Variants in SMARCAD1 observed in about 807,000 individuals in gnomAD.
SMARCAD1 encodes the protein SWI/SNF-related matrix-associated actin-dependent regulator of chromatin subfamily A containing DEAD/H box 1.
SMARCAD1 carries 25 observed loss-of-function variants against 127.1 expected under a neutral mutation model. The observed-to-expected ratio is 0.20, with a 90% CI of 0.14 to 0.27. The LOEUF (loss-of-function observed/expected upper bound fraction) is 0.27, where lower values mean the gene tolerates loss of function less well. Ranked by LOEUF, SMARCAD1 falls within the 10% of genes least tolerant of loss-of-function variation. The pLI is 1.00. For synonymous variants in SMARCAD1, 400 were observed against 396.9 expected, an observed-to-expected ratio of 1.01 and a Z score of -0.09; for missense variants, 807 against 1,206.0, an observed-to-expected ratio of 0.67 and a Z score of 4.90.
chr4:94,263,717 GA>G (rs1172129733), intron 9 of SMARCAD1, among the ~76,000 whole-genome samples: 1 of 151,862 alleles, frequency 6.6e-6, no homozygotes, highest in Admixed American at 6.6e-5. Context: ...TCATAACTTG[GA>G]AAAATATGCT....
chr4:94,216,638 C>T (rs190536006), intron 2 of SMARCAD1, among the ~76,000 whole-genome samples: 2 of 152,264 alleles, frequency 1.3e-5, no homozygotes, highest in Admixed American at 6.5e-5. Context: ...CCCCAGCCCC[C>T]GGCAACTACC....
chr4:94,240,836 T>C, intron 5 of SMARCAD1, 70 bp from the exon 6 acceptor site: 1 of 1,196,802 alleles, frequency 8.4e-7, no homozygotes, highest in South Asian at 1.3e-5. Context: ...CATTTTTGCC[T>C]TTGTTTTACA....
intron 14 of SMARCAD1, among the ~76,000 whole-genome samples, chr4:94,275,796 C>CTTTTTTTTTTTTTTTTTTTTTTTTT (rs535710589): frequency 2.3e-5 from 2 of 85,410 alleles, no homozygotes; most frequent in African/African-American, 7.5e-5. Context: ...TTAACATTTT[C>CTTTTTTTTTTTTTTTTTTTTTTTTT]TTTTTTTTTT....
intron 6 of SMARCAD1, among the ~76,000 whole-genome samples, chr4:94,241,630 T>C (rs1747585614): frequency 6.6e-6 from 1 of 152,184 alleles, no homozygotes; most frequent in South Asian, 2.1e-4. Flanking sequence ...TTAGAGCAGG[T>C]TATCTGTTAC....
chr4:94,250,949 A>G, intron 8 of SMARCAD1, 116 bp downstream of exon 8: 4 of 708,616 alleles, frequency 5.6e-6, no homozygotes, highest in Non-Finnish European at 2.4e-6. Context: ...TGGGATTGCA[A>G]AAGATGTTGA....
chr4:94,269,923 A>G (rs1363057104), intron 10 of SMARCAD1, among the ~76,000 whole-genome samples: 1 of 151,946 alleles, frequency 6.6e-6, no homozygotes, highest in Non-Finnish European at 1.5e-5. Flanking sequence ...TCTGCCCAGC[A>G]CAGCCTTGCA....
chr4:94,288,731 GATCT>G (rs1755315471), intron 23 of SMARCAD1, among the ~76,000 whole-genome samples: 1 of 152,104 alleles, frequency 6.6e-6, no homozygotes, highest in Admixed American at 6.5e-5. Context: ...CATAGTTACA[GATCT>G]ATCACAGATC....
At chr4:94,213,113 T>C (rs1358378787) in intron 2 of SMARCAD1, 1 of 1,287,156 alleles carries the variant, frequency 7.8e-7, no homozygotes, top group East Asian at 5.6e-5. Flanking sequence ...AGAATAAAAA[T>C]GAGTGAAGCC....
chr4:94,229,320 G>T (rs1745471131), intron 3 of SMARCAD1, among the ~76,000 whole-genome samples: 1 of 152,134 alleles, frequency 6.6e-6, no homozygotes, highest in Admixed American at 6.5e-5. Context: ...CTTAACACTT[G>T]TATTTGGTAG....
intron 11 of SMARCAD1, among the ~76,000 whole-genome samples, chr4:94,271,121 A>G (rs911504138): frequency 6.6e-6 from 1 of 152,194 alleles, no homozygotes; most frequent in Admixed American, 6.5e-5. Context: ...TTAAACAAGA[A>G]CTAGTTTGGT....
At position 94,290,191 on chromosome 4, in the gene SMARCAD1, G is replaced by A. The variant is rs1378825760; in HGVS notation, c.*657G>A. The A allele has an allele frequency of 2.2e-6, 1 of 454,472 alleles. No individual in the cohort carries two copies. Among genetic ancestry groups the A allele is most frequent in the African/African-American group, 2.0e-5 (1 of 50,110 alleles). 28.2% of individuals were successfully genotyped at this position (454,472 alleles called of 1,614,324 possible). ...TGTTTTCCAGTGAATAGTAACTAAA[G>A]AAGCCCCTACCTTGCTCCATGGATT... On this transcript the variant is annotated 3_prime_UTR_variant, in exon 24 of 24. Coordinates refer to ENST00000354268, the MANE Select transcript of SMARCAD1 (RefSeq NM_020159.5).
intron 6 of SMARCAD1, among the ~76,000 whole-genome samples, chr4:94,247,118 A>ACTG (rs1553917042): frequency 2.6e-5 from 4 of 151,686 alleles, no homozygotes; most frequent in South Asian, 2.1e-4. Context: ...GTAATTGCTT[A>ACTG]TTGTTTTGAT....
chr4:94,247,690 C>T (rs963501401), intron 6 of SMARCAD1, among the ~76,000 whole-genome samples: 2 of 152,112 alleles, frequency 1.3e-5, no homozygotes, highest in Admixed American at 6.5e-5. Context: ...CCCATTCCCT[C>T]CTCCCCCTAA....
At chr4:94,252,490 A>G (rs1749426822) in intron 8 of SMARCAD1, 126 bp from the exon 9 acceptor site, 1 of 595,252 alleles carries the variant, frequency 1.7e-6, no homozygotes, top group Non-Finnish European at 2.7e-6. Context: ...CAAATTTAAC[A>G]ATAAATTGTC....
In SMARCAD1 at chr4:94,273,577, T is replaced by C. The variant is rs373660660; in HGVS notation, c.1573-40T>C. 2.8e-6 allele frequency: 4 copies of C among 1,405,692 alleles called. No individual in the cohort carries two copies. The African/African-American group carries it at 4.3e-5, about 15-fold the overall frequency. The allele number at this position is 1,405,692 out of a possible 1,614,324, so 87.1% of individuals were successfully genotyped here. ...GTATTTTTATGTATTTATTTTTTGT[T>C]TGTTTTAAAATGTTATATATTGTCT... On this transcript the variant is annotated intron_variant, in intron 11 of 23. Coordinates refer to ENST00000354268, the MANE Select transcript of SMARCAD1 (RefSeq NM_020159.5).
intron 9 of SMARCAD1, among the ~76,000 whole-genome samples, chr4:94,262,235 T>A (rs952167677): frequency 1.2e-4 from 19 of 152,182 alleles, no homozygotes; most frequent in South Asian, 2.1e-4. Context: ...TGCCCCAAAT[T>A]TAATATATCC....
At chr4:94,224,632 A>G (rs896478599) in intron 2 of SMARCAD1, among the ~76,000 whole-genome samples, 1 of 152,184 alleles carries the variant, frequency 6.6e-6, no homozygotes, top group Non-Finnish European at 1.5e-5. Context: ...TTCAATCTGT[A>G]TTTACAGATA....
intron 12 of SMARCAD1, among the ~76,000 whole-genome samples, chr4:94,274,131 G>A (rs1167165209): frequency 6.6e-6 from 1 of 152,052 alleles, no homozygotes; most frequent in Non-Finnish European, 1.5e-5. Context: ...TTGTACATGT[G>A]AATGTAACAA....
intron 4 of SMARCAD1, among the ~76,000 whole-genome samples, chr4:94,236,347 A>T (rs1389453364): frequency 6.6e-6 from 1 of 152,190 alleles, no homozygotes. Context: ...AGCAGTATAA[A>T]AACAGTATAT....
Sources: gnomAD v4.1 joint callset for allele counts (sites outside exome capture counted in the v4.1 genomes callset) on GRCh38, gnomAD v4.1.1 for gene constraint, MANE v1.5 for transcripts, NCBI Gene and HGNC (gene_info 2026-07-23, HGNC 2026-07-21) for gene names.